The following TMPRSS11A variants were observed in gnomAD, a reference collection of about 807,000 sequenced individuals.
TMPRSS11A encodes transmembrane serine protease 11A, also known as transmembrane protease serine 11A.
In TMPRSS11A, 53 loss-of-function variants were observed where a neutral mutation model predicts 58.9. The observed-to-expected ratio is 0.90, with a 90% confidence interval of 0.72 to 1.13. The LOEUF is 1.13. TMPRSS11A is among the 50% of genes most tolerant of loss of function. The pLI, the probability that TMPRSS11A is intolerant of heterozygous loss-of-function variation, is 0.00. For synonymous variants in TMPRSS11A, 167 were observed against 169.8 expected (o/e 0.98, Z 0.13); for missense variants, 493 against 499.3 (o/e 0.99, Z 0.12).
intron 3 of TMPRSS11A, among the ~76,000 whole-genome samples, chr4:67,936,583 G>A (rs774061657): frequency 7.2e-5 from 11 of 152,236 alleles, no homozygotes; most frequent in South Asian, 2.1e-4. Flanking sequence ...AAACAAAAAG[G>A]TAATCAGATC....
rs1205511834 is a variant in TMPRSS11A at position 67,946,579 on chromosome 4, A to G, written c.12-8T>C. 6.2e-7 allele frequency: 1 copy of G among 1,606,332 alleles called. No individual in the cohort carries two copies. The highest frequency in any genetic ancestry group is 1.3e-5 in the African/African-American group (1 of 74,500). ...GTGCCAAATCCCACTGTCCTGAGAA[A>G]AGGAAGGGCCCACTGGTTACTCTCA... On this transcript the variant is annotated splice_polypyrimidine_tract_variant and splice_region_variant and intron_variant, in intron 1 of 9. Coordinates refer to ENST00000508048, the MANE Select transcript of TMPRSS11A (RefSeq NM_001114387.2).
intron 1 of TMPRSS11A, among the ~76,000 whole-genome samples, chr4:67,956,683 T>A (rs1053493414): frequency 6.6e-6 from 1 of 152,246 alleles, no homozygotes; most frequent in Non-Finnish European, 1.5e-5. Flanking sequence ...GTTGATGCAC[T>A]ACAAATGAAT....
intron 1 of TMPRSS11A, among the ~76,000 whole-genome samples, chr4:67,954,772 C>T (rs1228898634): frequency 2.6e-5 from 4 of 152,118 alleles, no homozygotes; most frequent in African/African-American, 4.8e-5. Context: ...AGTTCAAGTC[C>T]GAGTTGGCCA....
chr4:67,928,656 C>A (rs1362210601), intron 5 of TMPRSS11A, among the ~76,000 whole-genome samples: 1 of 152,210 alleles, frequency 6.6e-6, no homozygotes, highest in Non-Finnish European at 1.5e-5. Flanking sequence ...CAGGTTCCTC[C>A]CTTCTGGCTG....
chr4:67,954,443 CA>C (rs1005476085), intron 1 of TMPRSS11A, among the ~76,000 whole-genome samples: 2 of 152,200 alleles, frequency 1.3e-5, no homozygotes. Flanking sequence ...TGACCCTAAT[CA>C]GTGAAATTAA....
At chr4:67,960,028 G>T (rs1208276559) in intron 1 of TMPRSS11A, among the ~76,000 whole-genome samples, 1 of 152,160 alleles carries the variant, frequency 6.6e-6, no homozygotes, top group Non-Finnish European at 1.5e-5. Context: ...AGATGAAGCT[G>T]GAGGCCATAA....
At position 67,946,473 on chromosome 4, in the gene TMPRSS11A, A is replaced by T. The variant is rs1721009446; in HGVS notation, c.110T>A (p.Leu37His). ...SLTVVAVTIG[L>H]LVHFLVFDQK... The stretch of plus-strand genomic sequence containing the variant: ...ACCAAATACTAGGAAGTGAACCAGG[A>T]GACCTATGGTCACTGCCACCACTGT... Residue 37 changes from leucine (L) to histidine (H), a missense_variant, in exon 2 of 10, where the codon CTC (leucine) becomes CAC (histidine). Coordinates refer to ENST00000508048, the MANE Select transcript of TMPRSS11A (RefSeq NM_001114387.2). 7 of 1,604,810 alleles carry T rather than the reference A, an allele frequency of 4.4e-6. No individual in the cohort carries two copies. Among genetic ancestry groups the T allele is most frequent in the Non-Finnish European group, 6.0e-6 (7 of 1,175,836 alleles).
intron 3 of TMPRSS11A, among the ~76,000 whole-genome samples, chr4:67,939,801 G>A (rs1720837654): frequency 1.3e-5 from 2 of 152,092 alleles, no homozygotes; most frequent in Admixed American, 1.3e-4. Context: ...TGATTCTCCT[G>A]CCTCAGCCCT....
chr4:67,916,406 C>A (rs145257518), intron 8 of TMPRSS11A, among the ~76,000 whole-genome samples: 2 of 152,090 alleles, frequency 1.3e-5, no homozygotes, highest in Admixed American at 6.6e-5. Flanking sequence ...GTGTGTAACT[C>A]AGAAATATGC....
At chr4:67,912,718 T>C (rs1043249952) in intron 9 of TMPRSS11A, among the ~76,000 whole-genome samples, 8 of 152,196 alleles carry the variant, frequency 5.3e-5, no homozygotes, top group African/African-American at 1.9e-4. Context: ...TGGTTCTTCC[T>C]TCAAAGTTTT....
chr4:67,933,826 C>A (rs2109751558), intron 3 of TMPRSS11A, among the ~76,000 whole-genome samples: 1 of 152,176 alleles, frequency 6.6e-6, no homozygotes, highest in South Asian at 2.1e-4. Context: ...AGGAAAAAAG[C>A]AAATAGCAGT....
chr4:67,963,290 A>G, intron 1 of TMPRSS11A, 93 bp downstream of exon 1: 1 of 1,195,060 alleles, frequency 8.4e-7, no homozygotes, highest in Non-Finnish European at 1.2e-6. Context: ...TCCACCAAAG[A>G]CACCTCACTA....
intron 1 of TMPRSS11A, among the ~76,000 whole-genome samples, chr4:67,960,562 A>G (rs1721398122): frequency 6.6e-6 from 1 of 152,240 alleles, no homozygotes; most frequent in Admixed American, 6.5e-5. Flanking sequence ...ATGCTTATTT[A>G]TAGTAAGCAC....
intron 1 of TMPRSS11A, among the ~76,000 whole-genome samples, chr4:67,963,177 C>T (rs1005959483): frequency 4.6e-5 from 7 of 152,226 alleles, no homozygotes; most frequent in African/African-American, 1.7e-4. Flanking sequence ...TGAAATAATG[C>T]TAACAATTTT....
Position 67,932,009 on chromosome 4 carries a change from G to T in TMPRSS11A, c.304C>A (p.Gln102Lys), listed in dbSNP as rs370242991. ...CATACATACGTCAGTCTGACTACTT[G>T]GTTCTTGATATAATTTTTCTTCCAG... ...SAWKKNYIKN[Q>K]VVRLTPEEDG... The change falls in exon 4 of 10, where the codon CAA becomes AAA. Residue 102 changes from glutamine to lysine, a missense_variant. Coordinates refer to ENST00000508048, the MANE Select transcript of TMPRSS11A (RefSeq NM_001114387.2). The T allele has an allele frequency of 1.9e-6, 3 of 1,602,366 alleles. No individual in the cohort carries two copies. Among genetic ancestry groups the T allele is most frequent in the South Asian group, 1.1e-5 (1 of 90,620 alleles).
At chr4:67,913,252 G>A (rs1720038653) in intron 9 of TMPRSS11A, among the ~76,000 whole-genome samples, 1 of 152,116 alleles carries the variant, frequency 6.6e-6, no homozygotes, top group Admixed American at 6.6e-5. Flanking sequence ...TGAGAGATGG[G>A]ACTTAAGAAG....
chr4:67,921,364 T>G (rs1385385229), intron 7 of TMPRSS11A, among the ~76,000 whole-genome samples: 1 of 152,152 alleles, frequency 6.6e-6, no homozygotes, highest in Non-Finnish European at 1.5e-5. Context: ...GATGGGGTCT[T>G]GCATTGTCAC....
At position 67,942,054 on chromosome 4, in the gene TMPRSS11A, A is replaced by G. The variant is rs72851239; in HGVS notation, c.252+2465T>C. Among the ~76,000 whole-genome samples the G allele has an allele frequency of 4.4e-3, 676 of 152,372 alleles. 4 individuals carry two copies. Among genetic ancestry groups the G allele is most frequent in the African/African-American group, 0.015 (638 of 41,594 alleles). Reference sequence around the variant, plus strand: ...GAAAAAGCAAGTTTAACAGAAAAATAGGCAAATAATATGTACAGGCAATTT... The same window carrying G: ...GAAAAAGCAAGTTTAACAGAAAAATGGGCAAATAATATGTACAGGCAATTT... On this transcript the variant is annotated intron_variant, in intron 3 of 9. Coordinates refer to ENST00000508048, the MANE Select transcript of TMPRSS11A (RefSeq NM_001114387.2).
At chr4:67,947,407 ATGACATTGACCAT>A (rs544929160) in intron 1 of TMPRSS11A, among the ~76,000 whole-genome samples, 1,657 of 152,200 alleles carry the variant, frequency 0.011, 26 homozygotes, top group African/African-American at 0.038. Flanking sequence ...TTAGTTTTTA[ATGACATTGACCAT>A]TGAAGAGATC....
Sources: gnomAD v4.1 joint callset for allele counts (sites outside exome capture counted in the v4.1 genomes callset) on GRCh38, gnomAD v4.1.1 for gene constraint, MANE v1.5 for transcripts, NCBI Gene and HGNC (gene_info 2026-07-23, HGNC 2026-07-21) for gene names.